Variants in UVSSA observed in about 807,000 individuals in gnomAD.
The protein encoded by UVSSA is UV stimulated scaffold protein A.
In UVSSA, 72 loss-of-function variants were observed where a neutral mutation model predicts 73.9. The observed-to-expected ratio is 0.97, with a 90% CI of 0.81 to 1.19. UVSSA has a LOEUF of 1.19. Among genes scored for constraint, UVSSA ranks in the 50% most tolerant of loss-of-function variants. UVSSA has a pLI of 0.00. For missense variants in UVSSA, 1,150 were observed against 965.0 expected (o/e 1.19, Z -2.54); for synonymous variants, 454 against 391.3 (o/e 1.16, Z -1.89).
chr4:1,373,663 C>T (rs1718404344), intron 8 of UVSSA, among the ~76,000 whole-genome samples: 1 of 152,186 alleles, frequency 6.6e-6, no homozygotes, highest in African/African-American at 2.4e-5. Context: ...AAATGTGGCT[C>T]ATTGTTTCTT....
Position 1,383,936 on chromosome 4 carries a change from G to A in UVSSA, c.2032G>A (p.Ala678Thr), listed in dbSNP as rs139310992. 2.0e-4 allele frequency: 315 copies of A among 1,610,472 alleles called. No homozygotes were observed. In the African/African-American group the frequency reaches 3.7e-3, roughly 19 times the overall value. ...CGCTCGCATTGGGAGAAAAGTCTTCGCCAAGTAAGAGTGGCTGCTGGGTCA... is the reference window on the plus strand; with the variant it reads ...CGCTCGCATTGGGAGAAAAGTCTTCACCAAGTAAGAGTGGCTGCTGGGTCA... ...ARARIGRKVF[A>T]KAAVRRVVAA... The change falls in exon 13 of 14, where the codon GCC becomes ACC. Residue 678 changes from alanine (A) to threonine (T), a missense_variant. Ala to Thr is a moderately conservative substitution (Grantham distance 58). Coordinates refer to ENST00000389851, the MANE Select transcript of UVSSA (RefSeq NM_020894.4).
chr4:1,394,178 G>A, exon 14 of UVSSA: 3 of 463,748 alleles, frequency 6.5e-6, no homozygotes, highest in Non-Finnish European at 1.2e-5. Context: ...ACACAGCTCT[G>A]TGCCTGTGTG....
At position 1,349,548 on chromosome 4, in the gene UVSSA, C is replaced by T. The variant is rs62000970; in HGVS notation, c.123C>T (p.Arg41=). 785 of 1,613,602 alleles carry T rather than the reference C, an allele frequency of 4.9e-4. 3 individuals are homozygous for T. The African/African-American group carries it at 9.4e-3, about 19-fold the overall frequency. The change falls in exon 3 of 14, where the codon CGC becomes CGT. Residue 41 remains arginine, a synonymous_variant. Transcript: ENST00000389851. The stretch of plus-strand genomic sequence containing the variant: ...GGTCTTCAGAGGAGCAGCTGAGCCG[C>T]GCCTACCGCCTGCTGATAGCACAGC... ...ICKSSEEQLS[R]AYRLLIAQLT... is the part of the protein sequence containing the mutation.
chr4:1,352,035 G>T (rs571705264), intron 4 of UVSSA, among the ~76,000 whole-genome samples, 200 bp downstream of exon 4: 2 of 152,362 alleles, frequency 1.3e-5, no homozygotes, highest in East Asian at 3.9e-4. Flanking sequence ...CGCGCCCTCT[G>T]GTGGTCACAT....
At chr4:1,352,619 C>G (rs1560426417) in intron 4 of UVSSA, among the ~76,000 whole-genome samples, 1 of 152,240 alleles carries the variant, frequency 6.6e-6, no homozygotes, top group Non-Finnish European at 1.5e-5. Flanking sequence ...GCCTTGCAGG[C>G]CCAGCTGCTG....
Position 1,349,660 on chromosome 4 carries a change from G to A in UVSSA, c.235G>A (p.Val79Ile). ...FVRSHQFRML[V>I]VSNFQEFLEL... ...CAGGTCTCACCAGTTCCGGATGCTG[G>A]TTGTTTCCAACTTCCAGGAGTTCCT... is the stretch of plus-strand genomic sequence containing the variant. The change falls in exon 3 of 14, where the codon GTT (valine) becomes ATT (isoleucine). Residue 79 changes from valine to isoleucine, a missense_variant. By Grantham distance (29) the Val-to-Ile change is conservative. Transcript: ENST00000389851. The A allele has an allele frequency of 1.2e-6, 2 of 1,614,052 alleles. No homozygotes were observed. Among genetic ancestry groups the A allele is most frequent in the African/African-American group, 2.7e-5 (2 of 75,030 alleles).
chr4:1,349,486 G>T, intron 2 of UVSSA, 38 bp from the exon 3 acceptor site: 3 of 1,591,078 alleles, frequency 1.9e-6, no homozygotes, highest in Non-Finnish European at 2.6e-6. Flanking sequence ...CATCCTCTGC[G>T]TGTGGGGCAG....
At chr4:1,362,786 G>A (rs937123658) in intron 7 of UVSSA, among the ~76,000 whole-genome samples, 3 of 152,164 alleles carry the variant, frequency 2.0e-5, no homozygotes, top group South Asian at 2.1e-4. Flanking sequence ...GGCTTCGTGC[G>A]GGGCCTCACC....
chr4:1,349,765 A>G lies in UVSSA; in HGVS notation c.340A>G (p.Thr114Ala). The change falls in exon 3 of 14, where the codon ACC becomes GCC. Residue 114 changes from threonine (T) to alanine (A), a missense_variant. Thr to Ala is a moderately conservative substitution (Grantham distance 58). Coordinates refer to ENST00000389851, the MANE Select transcript of UVSSA (RefSeq NM_020894.4). ...EAAQRLRQAT[T>A]RAVEGWNEKF... ...GGCACAGAGGCTGAGGCAGGCGACC[A>G]CCCGGGCCGTGGAAGGGTGGAATGA... is the stretch of plus-strand genomic sequence containing the variant. 1 of 1,607,692 alleles carries G rather than the reference A, an allele frequency of 6.2e-7. No individual in the cohort carries two copies. The highest frequency in any genetic ancestry group is 2.2e-5 in the East Asian group (1 of 44,734).
chr4:1,348,325 A>G (rs138850155), intron 2 of UVSSA, 136 bp downstream of exon 2: 18,174 of 686,764 alleles, frequency 0.026, 316 homozygotes, highest in Non-Finnish European at 0.037. Context: ...GGGGCCCTGC[A>G]GTACCCGGCT....
At chr4:1,363,397 AT>A (rs140320268) in intron 7 of UVSSA, among the ~76,000 whole-genome samples, 2,338 of 152,312 alleles carry the variant, frequency 0.015, 71 homozygotes, top group African/African-American at 0.051. Flanking sequence ...GCAGTTGAAT[AT>A]TTTTTAGGAA....
intron 8 of UVSSA, among the ~76,000 whole-genome samples, chr4:1,367,035 G>A (rs866751025): frequency 2.0e-5 from 3 of 152,200 alleles, no homozygotes; most frequent in Admixed American, 6.5e-5. Flanking sequence ...CCCCGCTTAC[G>A]GGGGTCACAA....
At chr4:1,394,451 G>A (rs2109335804) in exon 14 of UVSSA, 1 of 1,606,698 alleles carries the variant, frequency 6.2e-7, no homozygotes, top group South Asian at 1.1e-5. Context: ...GATACAAAAT[G>A]TGAGCCAGGA....
At chr4:1,359,137 T>C (rs1716243932) in intron 7 of UVSSA, 1 of 152,204 alleles carries the variant, frequency 6.6e-6, no homozygotes, top group South Asian at 2.1e-4. Context: ...CTTAGGCGGG[T>C]TTGAATATGT....
At chr4:1,375,938 G>C in intron 9 of UVSSA, 96 bp from the exon 10 acceptor site, 3 of 1,518,706 alleles carry the variant, frequency 2.0e-6, no homozygotes, top group Admixed American at 2.0e-5. Flanking sequence ...GATCCGACCC[G>C]AGGCCCCAGC....
intron 7 of UVSSA, among the ~76,000 whole-genome samples, chr4:1,357,331 C>T (rs1460824007): frequency 2.0e-5 from 3 of 152,250 alleles, no homozygotes; most frequent in Non-Finnish European, 4.4e-5. Flanking sequence ...CCTTTAGTAC[C>T]AGCAGCAGTG....
intron 8 of UVSSA, among the ~76,000 whole-genome samples, chr4:1,370,120 T>TCA (rs1242541820): frequency 0.015 from 2,333 of 152,354 alleles, 69 homozygotes; most frequent in African/African-American, 0.051. Context: ...TTTTAATGGT[T>TCA]TAAAACAACA....
rs776635686 is a variant in UVSSA, at chr4:1,355,141, G to C, written c.1072G>C (p.Gly358Arg). ...GCGCTTCACCCGCGTCGGGACCCAC[G>C]GTGGATGTTTAAAGCGTGCCATTGA... ...IQRFTRVGTH[G>R]GCLKRAIDLK... is the part of the protein sequence containing the mutation. Residue 358 changes from glycine to arginine, a missense_variant, in exon 7 of 14, where the codon GGT becomes CGT. Transcript: ENST00000389851. The C allele has an allele frequency of 6.2e-7, 1 of 1,613,660 alleles. No homozygotes were observed. The highest frequency in any genetic ancestry group is 1.3e-5 in the African/African-American group (1 of 74,922).
exon 14 of UVSSA, chr4:1,394,849 G>C: frequency 6.5e-7 from 1 of 1,537,458 alleles, no homozygotes; most frequent in East Asian, 2.3e-5. Flanking sequence ...TGCCCATGTG[G>C]AGTGCCCGCC....
Sources: gnomAD v4.1 joint callset for allele counts (sites outside exome capture counted in the v4.1 genomes callset) on GRCh38, gnomAD v4.1.1 for gene constraint, MANE v1.5 for transcripts, NCBI Gene and HGNC (gene_info 2026-07-23, HGNC 2026-07-21) for gene names.